NUDT3: variants seen among roughly 807,000 people sequenced by gnomAD.
The protein encoded by NUDT3 is nudix hydrolase 3, also known as diphosphoinositol polyphosphate phosphohydrolase 1.
A neutral mutation model predicts 23.6 loss-of-function variants in NUDT3; 9 were observed. That is an observed-to-expected ratio of 0.38 (90% CI 0.23 to 0.66). The LOEUF (loss-of-function observed/expected upper bound fraction) is 0.66, where lower values mean the gene tolerates loss of function less well. Among genes scored for constraint, NUDT3 ranks in the 30% least tolerant of loss-of-function variants. The probability of loss-of-function intolerance (pLI) is 0.52; values close to 1 mark genes in which losing one functional copy is unlikely to be tolerated. For missense variants in NUDT3, 172 were observed against 218.5 expected, an observed-to-expected ratio of 0.79 and a Z score of 1.34; for synonymous variants, 86 against 82.6, an observed-to-expected ratio of 1.04 and a Z score of -0.22.
At chr6:34,327,121 AT>A (rs1196137628) in intron 2 of NUDT3, among the ~76,000 whole-genome samples, 4 of 152,012 alleles carry the variant, frequency 2.6e-5, no homozygotes, top group Admixed American at 2.0e-4. Flanking sequence ...CATCCAAATG[AT>A]TGATAAGGTC....
At chr6:34,342,492 C>T (rs1764304059) in intron 1 of NUDT3, among the ~76,000 whole-genome samples, 1 of 152,120 alleles carries the variant, frequency 6.6e-6, no homozygotes, top group African/African-American at 2.4e-5. Context: ...CAATACACCA[C>T]CCTAGACTCT....
In NUDT3 at chr6:34,339,640, G is replaced by T. The variant is rs7341244; in HGVS notation, c.210+2222C>A. Among the ~76,000 whole-genome samples the T allele has an allele frequency of 4.2e-3, 643 of 152,216 alleles. 7 individuals are homozygous for T. The highest frequency in any genetic ancestry group is 0.015 in the African/African-American group (604 of 41,538). On this transcript the variant is annotated intron_variant, in intron 2 of 4. Transcript: ENST00000607016. The stretch of plus-strand genomic sequence containing the variant: ...GTTCACCACCGTTTTTATAAATAAG[G>T]CTTCACTGGAACATAGCCAGGCCCA...
chr6:34,331,913 G>A (rs1269545109), intron 2 of NUDT3, among the ~76,000 whole-genome samples: 1 of 152,092 alleles, frequency 6.6e-6, no homozygotes, highest in African/African-American at 2.4e-5. Flanking sequence ...GTCTTGATCT[G>A]TCACCCAGGC....
intron 2 of NUDT3, among the ~76,000 whole-genome samples, chr6:34,299,798 G>A (rs1470326496): frequency 1.3e-5 from 2 of 151,492 alleles, no homozygotes; most frequent in African/African-American, 2.4e-5. Flanking sequence ...AGCTATTCAG[G>A]TGGGTGAGGC....
intron 1 of NUDT3, among the ~76,000 whole-genome samples, chr6:34,371,089 C>G (rs184573073): frequency 6.8e-6 from 1 of 147,766 alleles, no homozygotes; most frequent in East Asian, 2.0e-4. Context: ...CCAGCCTGGG[C>G]AACAGAGCAA....
Position 34,392,403 on chromosome 6 carries a change from T to TCCTC in NUDT3, c.-42_-41insGAGG. ...GGGGGTGCGGTGCGGGTCGCAGGAG[T>TCCTC]CGAGGGGTGGGGAGCCCGCTCTGGA... On this transcript the variant is annotated 5_prime_UTR_variant, in exon 1 of 5. Transcript: ENST00000607016. 1 of 1,519,828 alleles carries TCCTC rather than the reference T, an allele frequency of 6.6e-7. No individual in the cohort carries two copies. The highest frequency in any genetic ancestry group is 8.9e-7 in the Non-Finnish European group (1 of 1,117,436). 94.1% of individuals were successfully genotyped at this position (1,519,828 alleles called of 1,614,324 possible).
intron 2 of NUDT3, among the ~76,000 whole-genome samples, chr6:34,328,675 C>T (rs1764080384): frequency 6.6e-6 from 1 of 152,172 alleles, no homozygotes; most frequent in South Asian, 2.1e-4. Context: ...CTGTACCCAC[C>T]TTGTCAGAGG....
intron 2 of NUDT3, among the ~76,000 whole-genome samples, chr6:34,309,267 C>T (rs929760467): frequency 8.6e-5 from 13 of 151,882 alleles, no homozygotes; most frequent in African/African-American, 3.1e-4. Flanking sequence ...GCTGGAAAAT[C>T]CTCTAATATT....
chr6:34,363,927 C>G (rs933875309), intron 1 of NUDT3, among the ~76,000 whole-genome samples: 1 of 152,074 alleles, frequency 6.6e-6, no homozygotes, highest in Non-Finnish European at 1.5e-5. Context: ...CACCCACCAC[C>G]ACGCCCAGCT....
intron 1 of NUDT3, among the ~76,000 whole-genome samples, chr6:34,349,666 T>C (rs1302177344): frequency 1.3e-5 from 2 of 150,548 alleles, no homozygotes; most frequent in East Asian, 1.9e-4. Flanking sequence ...ATCTGACCCC[T>C]TTCTCCCTAT....
intron 2 of NUDT3, among the ~76,000 whole-genome samples, chr6:34,324,355 C>CAA (rs771271813): frequency 8.7e-6 from 1 of 114,742 alleles, no homozygotes; most frequent in Non-Finnish European, 1.9e-5. Flanking sequence ...ACTACGCTTC[C>CAA]AAAAAAAAAA....
chr6:34,331,655 C>T (rs1459290868), intron 2 of NUDT3, among the ~76,000 whole-genome samples: 2 of 152,208 alleles, frequency 1.3e-5, no homozygotes, highest in African/African-American at 2.4e-5. Context: ...AGGGTGACTA[C>T]AAATACAGTC....
chr6:34,348,101 C>A (rs545317005), intron 1 of NUDT3, among the ~76,000 whole-genome samples: 1 of 151,884 alleles, frequency 6.6e-6, no homozygotes, highest in South Asian at 2.1e-4. Flanking sequence ...GAGTTCAAGA[C>A]CCCGTCTCTA....
chr6:34,391,771 GCTCACAGACATATAATCC>G (rs1765204488), intron 1 of NUDT3, among the ~76,000 whole-genome samples: 1 of 147,746 alleles, frequency 6.8e-6, no homozygotes, highest in Admixed American at 6.9e-5. Context: ...TCAGCTTTGG[GCTCACAGACATATAATCC>G]CTCGGCAAAC....
At chr6:34,333,862 T>C (rs1420352946) in intron 2 of NUDT3, among the ~76,000 whole-genome samples, 2 of 152,234 alleles carry the variant, frequency 1.3e-5, no homozygotes, top group Non-Finnish European at 2.9e-5. Context: ...CTACATGAAG[T>C]TGTCACTAGG....
chr6:34,297,718 TA>T (rs200099331), intron 2 of NUDT3, among the ~76,000 whole-genome samples: 825 of 78,740 alleles, frequency 0.01, 15 homozygotes, highest in African/African-American at 0.016. Flanking sequence ...CCGGCTAATG[TA>T]AAAAAAAAAA....
chr6:34,296,372 G>A (rs1441317171), intron 2 of NUDT3, among the ~76,000 whole-genome samples: 1 of 152,094 alleles, frequency 6.6e-6, no homozygotes, highest in Non-Finnish European at 1.5e-5. Context: ...TCAGGAGTTC[G>A]AGACCAGGCT....
chr6:34,372,322 G>T (rs1273838682), intron 1 of NUDT3, among the ~76,000 whole-genome samples: 1 of 152,144 alleles, frequency 6.6e-6, no homozygotes, highest in African/African-American at 2.4e-5. Flanking sequence ...TTGCCACACT[G>T]TCTTCCACAA....
chr6:34,386,461 A>G (rs1437246742), intron 1 of NUDT3, among the ~76,000 whole-genome samples: 1 of 152,198 alleles, frequency 6.6e-6, no homozygotes, highest in Admixed American at 6.5e-5. Context: ...CCTTCATAAC[A>G]GTATCACAGA....
Sources: gnomAD v4.1 joint callset for allele counts (sites outside exome capture counted in the v4.1 genomes callset) on GRCh38, gnomAD v4.1.1 for gene constraint, MANE v1.5 for transcripts, NCBI Gene and HGNC (gene_info 2026-07-23, HGNC 2026-07-21) for gene names.